PAK1: variants seen among roughly 807,000 people sequenced by gnomAD.
The protein encoded by PAK1 is serine/threonine-protein kinase PAK 1.
PAK1 carries 29 observed loss-of-function variants against 67.4 expected under a neutral mutation model. The ratio of observed to expected loss-of-function variants is 0.43; its 90% CI spans 0.32 to 0.59. The LOEUF (loss-of-function observed/expected upper bound fraction) is 0.59, where lower values mean the gene tolerates loss of function less well. PAK1 is among the 20% of genes least tolerant of loss of function. PAK1 has a pLI of 0.07. For synonymous variants in PAK1, 223 were observed against 237.4 expected (o/e 0.94, Z 0.56); for missense variants, 337 against 670.7 (o/e 0.50, Z 5.50).
Position 77,407,887 on chromosome 11 carries a change from A to G in PAK1, c.-21-15346T>C, listed in dbSNP as rs546160659. Among the ~76,000 whole-genome samples, 4 of 152,358 alleles carry G rather than the reference A, an allele frequency of 2.6e-5. No individual in the cohort carries two copies. In the South Asian group the frequency reaches 8.3e-4, roughly 32 times the overall value. ...ATGAGTGTTTGTTTGGCTATGGCAC[A>G]GTGACCTGCCACATGGGATTGTTCT... On this transcript the variant is annotated intron_variant, in intron 1 of 14. Transcript: ENST00000356341.
chr11:77,513,670 C>CAAAAA, the PAK1 span, among the ~76,000 whole-genome samples: 3 of 52,926 alleles, frequency 5.7e-5, no homozygotes, highest in Admixed American at 3.1e-4. Context: ...GACTCTGTCT[C>CAAAAA]AAAAAAAAAA....
At chr11:77,368,861 C>T (rs553848442) in intron 5 of PAK1, among the ~76,000 whole-genome samples, 4 of 152,122 alleles carry the variant, frequency 2.6e-5, no homozygotes, top group East Asian at 1.9e-4. Context: ...CGCGCCTGGC[C>T]GGTAAAAATA....
At chr11:77,396,539 A>G (rs1471539781) in intron 1 of PAK1, among the ~76,000 whole-genome samples, 1 of 152,242 alleles carries the variant, frequency 6.6e-6, no homozygotes, top group Non-Finnish European at 1.5e-5. Flanking sequence ...ATCAATAAAG[A>G]TTTGTTGAAT....
chr11:77,448,919 T>C (rs1057129983), intron 1 of PAK1, among the ~76,000 whole-genome samples: 3 of 152,216 alleles, frequency 2.0e-5, no homozygotes, highest in Non-Finnish European at 4.4e-5. Flanking sequence ...GGAGGAAAGG[T>C]TGAATTCATT....
intron 2 of PAK1, among the ~76,000 whole-genome samples, chr11:77,385,795 T>C (rs1443135830): frequency 2.0e-5 from 3 of 152,012 alleles, no homozygotes; most frequent in Non-Finnish European, 4.4e-5. Flanking sequence ...GAGGTGGAGG[T>C]TGCAGTGAGC....
intron 14 of PAK1, among the ~76,000 whole-genome samples, chr11:77,330,228 C>G (rs1034007789): frequency 1.8e-4 from 28 of 152,116 alleles, no homozygotes; most frequent in Non-Finnish European, 2.5e-4. Flanking sequence ...TTTATAGATT[C>G]AATGCCATCC....
At chr11:77,391,775 T>A (rs926773569) in intron 2 of PAK1, among the ~76,000 whole-genome samples, 5 of 152,194 alleles carry the variant, frequency 3.3e-5, no homozygotes, top group Non-Finnish European at 7.3e-5. Flanking sequence ...TAACAGAAGT[T>A]TTATCAATAA....
intron 1 of PAK1, among the ~76,000 whole-genome samples, chr11:77,461,955 A>G (rs1428801961): frequency 6.6e-6 from 1 of 152,218 alleles, no homozygotes; most frequent in Non-Finnish European, 1.5e-5. Context: ...TTTTTCAGTA[A>G]CATGCAATTC....
chr11:77,365,325 TA>T (rs1482579446), intron 5 of PAK1, among the ~76,000 whole-genome samples: 1 of 108,014 alleles, frequency 9.3e-6, no homozygotes, highest in East Asian at 2.6e-4. Context: ...AGAACTGAGG[TA>T]AAAAAAAATT....
intron 1 of PAK1, among the ~76,000 whole-genome samples, chr11:77,430,164 T>C (rs1020588271): frequency 6.6e-6 from 1 of 151,972 alleles, no homozygotes; most frequent in Non-Finnish European, 1.5e-5. Context: ...AATACTCTTC[T>C]AAGAATTAGA....
At chr11:77,353,278 G>GAATTTTGTTTT (rs1945529502) in intron 8 of PAK1, 1 of 385,936 alleles carries the variant, frequency 2.6e-6, no homozygotes, top group African/African-American at 2.1e-5. Context: ...TTGGTTTTGT[G>GAATTTTGTTTT]CTAAGAAAAA....
chr11:77,344,312 A>T (rs1944080287), intron 9 of PAK1, among the ~76,000 whole-genome samples: 2 of 152,258 alleles, frequency 1.3e-5, no homozygotes, highest in African/African-American at 4.8e-5. Context: ...CTCATACAAA[A>T]TGCTAGCGAA....
intron 4 of PAK1, 40 bp downstream of exon 4, chr11:77,379,201 C>T (rs764598962): frequency 3.3e-6 from 5 of 1,526,690 alleles, no homozygotes; most frequent in Non-Finnish European, 4.4e-6. Flanking sequence ...CAGATTAAAA[C>T]CATCTCTTGC....
chr11:77,494,844 A>AC, the PAK1 span, among the ~76,000 whole-genome samples: 1,854 of 152,004 alleles, frequency 0.012, 32 homozygotes, highest in African/African-American at 0.042. Flanking sequence ...ATATAGTGAG[A>AC]CCCCCATCTA....
At chr11:77,449,713 A>AAAG (rs1192829629) in intron 1 of PAK1, among the ~76,000 whole-genome samples, 1 of 151,018 alleles carries the variant, frequency 6.6e-6, no homozygotes, top group Non-Finnish European at 1.5e-5. Flanking sequence ...AAAAAAAAAA[A>AAAG]TCACCCTAAG....
At chr11:77,445,458 T>C (rs1956555658) in intron 1 of PAK1, among the ~76,000 whole-genome samples, 1 of 152,246 alleles carries the variant, frequency 6.6e-6, no homozygotes, top group African/African-American at 2.4e-5. Context: ...TCCTACATTC[T>C]TAATGAAATC....
At chr11:77,380,804 C>G (rs1390967890) in intron 2 of PAK1, among the ~76,000 whole-genome samples, 1 of 152,134 alleles carries the variant, frequency 6.6e-6, no homozygotes, top group African/African-American at 2.4e-5. Flanking sequence ...GGTGCTCAGA[C>G]AGTAAGTGAA....
intron 1 of PAK1, among the ~76,000 whole-genome samples, chr11:77,428,899 T>C (rs1332570120): frequency 6.6e-6 from 1 of 150,956 alleles, no homozygotes; most frequent in Non-Finnish European, 1.5e-5. Flanking sequence ...CCAAGCAAGA[T>C]AAGGAGGGCA....
intron 13 of PAK1, among the ~76,000 whole-genome samples, chr11:77,333,358 C>A (rs564768075): frequency 1.3e-5 from 2 of 151,940 alleles, no homozygotes; most frequent in Non-Finnish European, 2.9e-5. Context: ...CCACTACACC[C>A]GACTGCTTTT....
Sources: allele counts gnomAD v4.1 joint callset (sites outside exome capture counted in the v4.1 genomes callset), GRCh38; gene constraint gnomAD v4.1.1; transcripts MANE v1.5; gene names NCBI Gene and HGNC (gene_info 2026-07-23, HGNC 2026-07-21).